Variants in TSHR observed in about 807,000 individuals in gnomAD.
TSHR encodes the protein thyroid stimulating hormone receptor.
In TSHR, 51 loss-of-function variants were observed where a neutral mutation model predicts 64.1. That is an observed-to-expected ratio of 0.80 (90% CI 0.64 to 1.01). The LOEUF (loss-of-function observed/expected upper bound fraction) is 1.01, where lower values mean the gene tolerates loss of function less well. Among genes scored for constraint, TSHR ranks in the 50% least tolerant of loss-of-function variants. The pLI is 0.00. For missense variants in TSHR, 877 were observed against 942.8 expected (o/e 0.93, Z 0.91); for synonymous variants, 361 against 361.9 (o/e 1.00, Z 0.03).
At chr14:81,100,561 C>G (rs928826348) in intron 7 of TSHR, among the ~76,000 whole-genome samples, 1 of 152,226 alleles carries the variant, frequency 6.6e-6, no homozygotes, top group Admixed American at 6.5e-5. Flanking sequence ...TCCCACAAGA[C>G]TGCCTGCTAC....
At chr14:81,125,047 C>T (rs1013987834) in intron 8 of TSHR, among the ~76,000 whole-genome samples, 1 of 152,106 alleles carries the variant, frequency 6.6e-6, no homozygotes, top group Non-Finnish European at 1.5e-5. Context: ...AAGGATAAGA[C>T]ACAGCCTCTG....
At chr14:81,033,674 A>C (rs141964241) in intron 1 of TSHR, among the ~76,000 whole-genome samples, 15 of 152,066 alleles carry the variant, frequency 9.9e-5, no homozygotes, top group African/African-American at 2.9e-4. Context: ...AGAGCTTAGC[A>C]GCACACAAAA....
rs990342623 is a variant in TSHR, at chr14:81,145,200, G to A, written c.*847G>A. 4.3e-6 allele frequency: 1 copy of A among 232,926 alleles called. No homozygotes were observed. The highest frequency in any genetic ancestry group is 2.2e-5 in the African/African-American group (1 of 45,324). 14.4% of individuals were successfully genotyped at this position (232,926 alleles called of 1,614,324 possible). A position where few individuals can be genotyped will look rare whatever the true frequency, so the allele number is the denominator to read the frequency against. On this transcript the variant is annotated 3_prime_UTR_variant, in exon 10 of 10. Transcript: ENST00000298171. ...AACAGGCTGGACACTAATTAACTAT[G>A]GGACTTAAATCTGTAGAAATGAAGG...
intron 1 of TSHR, chr14:81,014,538 CT>C (rs1890081134): frequency 6.6e-6 from 1 of 152,220 alleles, no homozygotes; most frequent in Admixed American, 6.5e-5. Flanking sequence ...TGGCTTTCCC[CT>C]GGACCTGTCA....
chr14:80,970,319 C>T (rs1566741909), intron 1 of TSHR, among the ~76,000 whole-genome samples: 1 of 152,190 alleles, frequency 6.6e-6, no homozygotes, highest in Non-Finnish European at 1.5e-5. Flanking sequence ...GCTGTGCTCA[C>T]CTTATTTTAT....
At position 81,143,034 on chromosome 14, in the gene TSHR, T is replaced by G. The variant is rs760872187; in HGVS notation, c.976T>G (p.Tyr326Asp). The change falls in exon 10 of 10, where the codon TAT (tyrosine) becomes GAT (aspartate). Residue 326 changes from tyrosine (Y) to aspartate (D), a missense_variant. Physicochemically the swap from Tyr to Asp is radical, Grantham distance 160. Transcript: ENST00000298171. ...CTTGAATAGCCCCCTCCACCAGGAA[T>G]ATGAAGAGAATCTGGGTGACAGCAT... Reference protein sequence around the residue: ...NALNSPLHQEYEENLGDSIVG... With the variant: ...NALNSPLHQEDEENLGDSIVG... 6.2e-7 allele frequency: 1 copy of G among 1,614,160 alleles called. No individual in the cohort carries two copies. Among genetic ancestry groups the G allele is most frequent in the Admixed American group, 1.7e-5 (1 of 60,022 alleles).
chr14:80,957,900 A>G (rs1886788055), intron 1 of TSHR: 1 of 152,248 alleles, frequency 6.6e-6, no homozygotes, highest in Non-Finnish European at 1.5e-5. Flanking sequence ...CAAGAAAAAG[A>G]CATAAAGACA....
intron 8 of TSHR, among the ~76,000 whole-genome samples, chr14:81,132,174 T>A (rs910911420): frequency 2.0e-5 from 3 of 152,334 alleles, no homozygotes; most frequent in Middle Eastern, 3.4e-3. Flanking sequence ...ATTTACCAAT[T>A]TACAGATGTA....
At chr14:81,086,802 TA>T (rs1888318025) in intron 3 of TSHR, among the ~76,000 whole-genome samples, 1 of 152,250 alleles carries the variant, frequency 6.6e-6, no homozygotes, top group African/African-American at 2.4e-5. Context: ...GACATTATGC[TA>T]AATGAAAGAA....
Position 81,144,451 on chromosome 14 carries a change from C to CTGCACAAGAGTGAGGGCAG in TSHR, c.*98_*99insTGCACAAGAGTGAGGGCAG. On this transcript the variant is annotated 3_prime_UTR_variant, in exon 10 of 10. Coordinates refer to ENST00000298171, the MANE Select transcript of TSHR (RefSeq NM_000369.5). ...CATGACACCCCCAACACATAGCTGC[C>CTGCACAAGAGTGAGGGCAG]CTCACTCTTGTGCAGGCGATGTTTC... The CTGCACAAGAGTGAGGGCAG allele has an allele frequency of 8.0e-7, 1 of 1,244,026 alleles. No individual in the cohort carries two copies. Among genetic ancestry groups the CTGCACAAGAGTGAGGGCAG allele is most frequent in the Non-Finnish European group, 1.2e-6 (1 of 863,358 alleles). The allele number at this position is 1,244,026 out of a possible 1,614,324, so 77.1% of individuals were successfully genotyped here.
chr14:81,081,521 T>A (rs1887908379), intron 3 of TSHR, among the ~76,000 whole-genome samples: 1 of 152,144 alleles, frequency 6.6e-6, no homozygotes, highest in South Asian at 2.1e-4. Context: ...TGTTTCAAAG[T>A]TTTTTACAAT....
chr14:81,024,308 G>A (rs1277421953), intron 1 of TSHR, among the ~76,000 whole-genome samples: 3 of 151,962 alleles, frequency 2.0e-5, no homozygotes, highest in Non-Finnish European at 2.9e-5. Flanking sequence ...GAGTGCAGTG[G>A]CGCAATCTCG....
intron 1 of TSHR, among the ~76,000 whole-genome samples, chr14:80,971,420 G>A (rs1248187274): frequency 1.3e-5 from 2 of 152,152 alleles, no homozygotes. Context: ...TACTACTTTT[G>A]ATTCTCTCTA....
At chr14:81,098,652 A>G (rs1889371965) in intron 7 of TSHR, among the ~76,000 whole-genome samples, 1 of 152,204 alleles carries the variant, frequency 6.6e-6, no homozygotes, top group Non-Finnish European at 1.5e-5. Context: ...CATAGAGTGC[A>G]CCAAAAGTTT....
In TSHR at chr14:81,139,784, C is replaced by T. The variant is rs776159843; in HGVS notation, c.798C>T (p.Ser266=). Residue 266 remains serine, a synonymous_variant, in exon 9 of 10, where the codon TCC becomes TCT. Coordinates refer to ENST00000298171, the MANE Select transcript of TSHR (RefSeq NM_000369.5). ...NTWTLKKLPL[S]LSFLHLTRAD... is the part of the protein sequence containing the mutation. ...GGACTCTTAAGAAACTTCCACTTTC[C>T]TTGAGTTTCCTTCACCTCACACGGG... 3.1e-6 allele frequency: 5 copies of T among 1,614,208 alleles called. No homozygotes were observed. The South Asian group carries it at 5.5e-5, about 18-fold the overall frequency.
At chr14:80,980,237 C>CT (rs146169398) in intron 1 of TSHR, among the ~76,000 whole-genome samples, 3 of 151,804 alleles carry the variant, frequency 2.0e-5, no homozygotes, top group East Asian at 1.9e-4. Context: ...TATTTCCACT[C>CT]TTTTTTTTCT....
chr14:81,144,385 A>C lies in TSHR; in HGVS notation c.*32A>C. The stretch of plus-strand genomic sequence containing the variant: ...ACTACACTACTCACAATGGTAGGGG[A>C]ACTTACAAAATAATAGTTTCTTGAA... On this transcript the variant is annotated 3_prime_UTR_variant, in exon 10 of 10. Coordinates refer to ENST00000298171, the MANE Select transcript of TSHR (RefSeq NM_000369.5). 1 of 1,606,190 alleles carries C rather than the reference A, an allele frequency of 6.2e-7. No individual in the cohort carries two copies. Among genetic ancestry groups the C allele is most frequent in the Non-Finnish European group, 8.5e-7 (1 of 1,173,560 alleles).
intron 1 of TSHR, among the ~76,000 whole-genome samples, chr14:80,983,805 G>A (rs561230477): frequency 4.3e-4 from 65 of 152,318 alleles, no homozygotes; most frequent in African/African-American, 1.5e-3. Context: ...AAACTATTTT[G>A]GGGGTATCAG....
Position 81,063,180 on chromosome 14 carries a change from C to T in TSHR, c.242+961C>T, listed in dbSNP as rs1325222033. Among the ~76,000 whole-genome samples the T allele has an allele frequency of 2.0e-5, 3 of 152,280 alleles. No homozygotes were observed. The East Asian group carries it at 5.8e-4, about 29-fold the overall frequency. ...TTTTTATGTTGCTAACAAGTCCTTC[C>T]TCTTTCAAATTCTTGCCTCTTTGTT... On this transcript the variant is annotated intron_variant, in intron 2 of 9. Transcript: ENST00000298171.
Sources: allele counts gnomAD v4.1 joint callset (sites outside exome capture counted in the v4.1 genomes callset), GRCh38; gene constraint gnomAD v4.1.1; transcripts MANE v1.5; gene names NCBI Gene and HGNC (gene_info 2026-07-23, HGNC 2026-07-21).